The following PAK2 variants were observed in gnomAD, a reference collection of about 807,000 sequenced individuals.
The protein encoded by PAK2 is serine/threonine-protein kinase PAK 2.
PAK2 carries 21 observed loss-of-function variants against 65.9 expected under a neutral mutation model. The ratio of observed to expected loss-of-function variants is 0.32; its 90% CI spans 0.23 to 0.46. The LOEUF is 0.46. Ranked by LOEUF, PAK2 falls within the 20% of genes least tolerant of loss-of-function variation. The pLI, the probability that PAK2 is intolerant of heterozygous loss-of-function variation, is 1.00. For synonymous variants in PAK2, 204 were observed against 219.7 expected, an observed-to-expected ratio of 0.93 and a Z score of 0.63; for missense variants, 324 against 642.6, an observed-to-expected ratio of 0.50 and a Z score of 5.36.
intron 8 of PAK2, among the ~76,000 whole-genome samples, chr3:196,811,328 CT>C (rs1206968034): frequency 2.1e-4 from 7 of 33,588 alleles, no homozygotes; most frequent in Admixed American, 4.0e-4. Flanking sequence ...CCTTCCTTCC[CT>C]TCCCTCCCTT....
chr3:196,775,947 G>A (rs1212090108), intron 1 of PAK2, among the ~76,000 whole-genome samples: 1 of 152,108 alleles, frequency 6.6e-6, no homozygotes, highest in East Asian at 1.9e-4. Context: ...GTGTTCTGTC[G>A]AGTATAAGAT....
intron 8 of PAK2, among the ~76,000 whole-genome samples, chr3:196,811,778 G>A (rs1226352568): frequency 3.3e-5 from 5 of 152,026 alleles, no homozygotes; most frequent in South Asian, 2.1e-4. Context: ...ACATATCTGC[G>A]TCCTTTGTAG....
intron 1 of PAK2, among the ~76,000 whole-genome samples, chr3:196,762,250 C>T (rs1714002042): frequency 1.8e-5 from 2 of 108,340 alleles, no homozygotes; most frequent in East Asian, 2.4e-4. Context: ...ACATCCCAGA[C>T]GATGGGCGGC....
chr3:196,782,433 A>G (rs1054917037), intron 1 of PAK2, among the ~76,000 whole-genome samples, 193 bp from the exon 2 acceptor site: 6 of 152,200 alleles, frequency 3.9e-5, no homozygotes, highest in African/African-American at 1.2e-4. Flanking sequence ...TCAGCTGACC[A>G]TTACCAGCTT....
intron 1 of PAK2, among the ~76,000 whole-genome samples, chr3:196,780,732 C>T (rs146936748): frequency 1.9e-3 from 294 of 152,304 alleles, no homozygotes; most frequent in African/African-American, 6.4e-3. Flanking sequence ...GACACACTCC[C>T]ATCAAGGAAA....
In PAK2 at chr3:196,814,553, T is replaced by G; in HGVS notation, c.1038T>G (p.Ala346=). The G allele has an allele frequency of 7.2e-7, 1 of 1,390,482 alleles. No homozygotes were observed. Among genetic ancestry groups the G allele is most frequent in the Middle Eastern group, 1.8e-4 (1 of 5,658 alleles). 86.1% of individuals were successfully genotyped at this position (1,390,482 alleles called of 1,614,324 possible). Residue 346 remains alanine, a synonymous_variant, in exon 11 of 15, where the codon GCT becomes GCG. Transcript: ENST00000327134. Reference sequence around the variant, plus strand: ...CGTGCATGGATGAAGCACAGATTGCTGCTGTATGCAGAGAGGTAGGTTTGC... The same window carrying G: ...CGTGCATGGATGAAGCACAGATTGCGGCTGTATGCAGAGAGGTAGGTTTGC... ...TETCMDEAQI[A]AVCRECLQAL...
At chr3:196,754,582 G>C (rs1164607730) in intron 1 of PAK2, among the ~76,000 whole-genome samples, 1 of 152,044 alleles carries the variant, frequency 6.6e-6, no homozygotes, top group Non-Finnish European at 1.5e-5. Flanking sequence ...TATGAGAGTG[G>C]CCCTCATTTC....
At chr3:196,809,259 CAA>C (rs1256895039) in intron 7 of PAK2, among the ~76,000 whole-genome samples, 1 of 149,246 alleles carries the variant, frequency 6.7e-6, no homozygotes, top group Non-Finnish European at 1.5e-5. Context: ...AAAAAATAAA[CAA>C]ATGTTTATAT....
rs1341507898 is a variant in PAK2, at chr3:196,767,026, A to G, written c.-21-15600A>G. 2.6e-5 allele frequency among the ~76,000 whole-genome samples: 4 copies of G among 151,284 alleles called. No homozygotes were observed. The East Asian group carries it at 5.8e-4, about 22-fold the overall frequency. On this transcript the variant is annotated intron_variant, in intron 1 of 14. Coordinates refer to ENST00000327134, the MANE Select transcript of PAK2 (RefSeq NM_002577.4). The stretch of plus-strand genomic sequence containing the variant: ...TTTGGTAAATGATAGCATCCCATAT[A>G]TATTTTTTTCTTCCAACTGGTTTTC...
At chr3:196,784,271 A>T in intron 2 of PAK2, among the ~76,000 whole-genome samples, 1 of 116,750 alleles carries the variant, frequency 8.6e-6, no homozygotes, top group Non-Finnish European at 1.7e-5. Context: ...ACATGTGCAC[A>T]TTGTGCAGGT....
chr3:196,794,882 A>G (rs1715199752), intron 2 of PAK2, among the ~76,000 whole-genome samples: 1 of 152,120 alleles, frequency 6.6e-6, no homozygotes, highest in East Asian at 1.9e-4. Context: ...AACCCAGGCA[A>G]ACCTGGGCTT....
At chr3:196,800,216 A>T (rs1715380066) in intron 2 of PAK2, among the ~76,000 whole-genome samples, 1 of 152,060 alleles carries the variant, frequency 6.6e-6, no homozygotes, top group Non-Finnish European at 1.5e-5. Flanking sequence ...CCCCATCTCT[A>T]CCAGAAATTA....
chr3:196,766,007 C>A (rs145984372), intron 1 of PAK2, among the ~76,000 whole-genome samples: 4 of 151,484 alleles, frequency 2.6e-5, no homozygotes, highest in African/African-American at 7.3e-5. Flanking sequence ...TCAAGCGATT[C>A]TACCTCAGTC....
At chr3:196,763,033 A>C (rs149866443) in intron 1 of PAK2, among the ~76,000 whole-genome samples, 107 of 152,240 alleles carry the variant, frequency 7.0e-4, no homozygotes, top group African/African-American at 2.4e-3. Context: ...CAAAAGTAAG[A>C]AGCAGCTACT....
chr3:196,807,816 C>T lies in PAK2; in HGVS notation c.611C>T (p.Ala204Val). The change falls in exon 7 of 15, where the codon GCA becomes GTA. Residue 204 changes from alanine (A) to valine (V), a missense_variant. By Grantham distance (64) the Ala-to-Val change is moderately conservative. Transcript: ENST00000327134. ...CGGTCTGTAATTGACCCTGTTCCTGCACCAGTTGGTGATTCACATGTTGAT... is the reference window on the plus strand; with the variant it reads ...CGGTCTGTAATTGACCCTGTTCCTGTACCAGTTGGTGATTCACATGTTGAT... ...YTRSVIDPVP[A>V]PVGDSHVDGA... The T allele has an allele frequency of 6.2e-7, 1 of 1,611,902 alleles. No homozygotes were observed. The highest frequency in any genetic ancestry group is 8.5e-7 in the Non-Finnish European group (1 of 1,178,730).
At chr3:196,781,193 T>C (rs557460406) in intron 1 of PAK2, among the ~76,000 whole-genome samples, 47 of 152,358 alleles carry the variant, frequency 3.1e-4, no homozygotes, top group African/African-American at 1.1e-3. Context: ...ATTGTATATA[T>C]GCAAGGTTTT....
At chr3:196,776,774 T>G (rs1714550959) in intron 1 of PAK2, among the ~76,000 whole-genome samples, 1 of 152,226 alleles carries the variant, frequency 6.6e-6, no homozygotes, top group Non-Finnish European at 1.5e-5. Context: ...TCATTCAAAA[T>G]TCAAGAGAGT....
intron 1 of PAK2, among the ~76,000 whole-genome samples, chr3:196,766,519 T>C (rs548148077): frequency 6.6e-6 from 1 of 152,294 alleles, no homozygotes; most frequent in East Asian, 1.9e-4. Context: ...ATATGTCGTC[T>C]ACAAAGCAAA....
chr3:196,748,679 G>C (rs1221996256), intron 1 of PAK2, among the ~76,000 whole-genome samples: 1 of 152,134 alleles, frequency 6.6e-6, no homozygotes, highest in Non-Finnish European at 1.5e-5. Context: ...TTTTAGCACT[G>C]AATAATATTC....
Sources: allele counts gnomAD v4.1 joint callset (sites outside exome capture counted in the v4.1 genomes callset), GRCh38; gene constraint gnomAD v4.1.1; transcripts MANE v1.5; gene names NCBI Gene and HGNC (gene_info 2026-07-23, HGNC 2026-07-21).